The following CDYL2 variants were observed in gnomAD, a reference collection of about 807,000 sequenced individuals.
CDYL2 encodes the protein chromodomain Y-like protein 2.
Under a neutral mutation model 49.4 loss-of-function variants are expected in CDYL2, and 23 were observed. That is an observed-to-expected ratio of 0.47 (90% CI 0.34 to 0.66). The LOEUF is 0.66. Ranked by LOEUF, CDYL2 falls within the 30% of genes least tolerant of loss-of-function variation. CDYL2 has a pLI of 0.01. For missense variants in CDYL2, 678 were observed against 656.4 expected (o/e 1.03, Z -0.36); for synonymous variants, 360 against 268.8 (o/e 1.34, Z -3.32).
intron 2 of CDYL2, among the ~76,000 whole-genome samples, chr16:80,679,568 C>A (rs963468708): frequency 2.0e-5 from 3 of 152,240 alleles, no homozygotes; most frequent in Non-Finnish European, 4.4e-5. Flanking sequence ...CCATGAGGAT[C>A]ACACAAGGTA....
At chr16:80,721,103 C>T (rs1904983652) in intron 1 of CDYL2, among the ~76,000 whole-genome samples, 1 of 152,148 alleles carries the variant, frequency 6.6e-6, no homozygotes, top group South Asian at 2.1e-4. Context: ...CTTCTCAGTG[C>T]CCCCACTTCT....
intron 2 of CDYL2, among the ~76,000 whole-genome samples, chr16:80,669,805 G>A (rs1244080115): frequency 6.6e-6 from 1 of 152,216 alleles, no homozygotes; most frequent in African/African-American, 2.4e-5. Context: ...AAAATGAGCT[G>A]AGTATTTCTG....
upstream of CDYL2, among the ~76,000 whole-genome samples, chr16:80,804,606 TCCCCGCCCCCCGGGAGCCCG>T (rs1458334456): frequency 2.8e-5 from 4 of 141,670 alleles, no homozygotes; most frequent in Admixed American, 6.9e-5. Context: ...ACTGGGCGAG[TCCCCGCCCCCCGGGAGCCCG>T]GCCCGGCCCC....
At chr16:80,629,831 G>A (rs1907473422) in intron 3 of CDYL2, among the ~76,000 whole-genome samples, 1 of 152,234 alleles carries the variant, frequency 6.6e-6, no homozygotes, top group Non-Finnish European at 1.5e-5. Flanking sequence ...GGCAATGTCT[G>A]CTGGTGGACA....
intron 1 of CDYL2, among the ~76,000 whole-genome samples, chr16:80,775,807 T>C (rs151071029): frequency 6.6e-6 from 1 of 151,702 alleles, no homozygotes; most frequent in African/African-American, 2.4e-5. Context: ...TTACTTGATA[T>C]AGTACTTAAT....
chr16:80,754,212 A>G (rs1235086317), intron 1 of CDYL2, among the ~76,000 whole-genome samples: 1 of 152,200 alleles, frequency 6.6e-6, no homozygotes, highest in African/African-American at 2.4e-5. Flanking sequence ...AAACTAATCA[A>G]TCCTTGCCAA....
In CDYL2 at chr16:80,804,196, G is replaced by A. The variant is rs1908025417; in HGVS notation, c.-23C>T. 6 of 1,332,142 alleles carry A rather than the reference G, an allele frequency of 4.5e-6. No individual in the cohort carries two copies. Among genetic ancestry groups the A allele is most frequent in the Non-Finnish European group, 4.9e-6 (5 of 1,013,310 alleles). 82.5% of individuals were successfully genotyped at this position (1,332,142 alleles called of 1,614,324 possible). On this transcript the variant is annotated 5_prime_UTR_variant, in exon 1 of 7. Transcript: ENST00000570137. ...CATGCCAGGCTGCGGAACTTGGCTCGCCGGTGTGCGCGTCTGCTCGCTCGC... is the reference window on the plus strand; with the variant it reads ...CATGCCAGGCTGCGGAACTTGGCTCACCGGTGTGCGCGTCTGCTCGCTCGC...
At chr16:80,749,829 A>G (rs1020648510) in intron 1 of CDYL2, among the ~76,000 whole-genome samples, 4 of 152,196 alleles carry the variant, frequency 2.6e-5, no homozygotes, top group African/African-American at 9.7e-5. Context: ...AAGACTTGGA[A>G]CCAACCCAAA....
chr16:80,771,997 G>C (rs1390267843), intron 1 of CDYL2, among the ~76,000 whole-genome samples: 1 of 152,100 alleles, frequency 6.6e-6, no homozygotes, highest in Non-Finnish European at 1.5e-5. Context: ...GGAAATGGCT[G>C]AGCATTCCCC....
chr16:80,681,498 C>T (rs560540722), intron 2 of CDYL2, among the ~76,000 whole-genome samples: 27 of 152,312 alleles, frequency 1.8e-4, no homozygotes, highest in South Asian at 1.0e-3. Flanking sequence ...TCTGGAACCA[C>T]GGCATCCCCT....
At position 80,794,305 on chromosome 16, in the gene CDYL2, G is replaced by C. The variant is rs139241234; in HGVS notation, c.24+9845C>G. ...TCAACCTCAAGTGGTATTTGACTGG[G>C]GTGACTGTGCTGTAAAAGTGTATTC... is the stretch of plus-strand genomic sequence containing the variant. On this transcript the variant is annotated intron_variant, in intron 1 of 6. Coordinates refer to ENST00000570137, the MANE Select transcript of CDYL2 (RefSeq NM_152342.4). 1.7e-3 allele frequency among the ~76,000 whole-genome samples: 254 copies of C among 152,280 alleles called. 1 individual carries two copies. The highest frequency in any genetic ancestry group is 5.9e-3 in the African/African-American group (245 of 41,558).
intron 5 of CDYL2, among the ~76,000 whole-genome samples, chr16:80,608,627 T>C (rs150333145): frequency 3.9e-4 from 60 of 152,182 alleles, no homozygotes; most frequent in African/African-American, 1.4e-3. Flanking sequence ...AAAGAGATGC[T>C]CCCTTCTAGA....
intron 1 of CDYL2, among the ~76,000 whole-genome samples, chr16:80,686,902 G>C (rs966041611): frequency 6.6e-6 from 1 of 152,166 alleles, no homozygotes; most frequent in African/African-American, 2.4e-5. Flanking sequence ...CTGGGAACAG[G>C]TCTTTTAGAT....
chr16:80,615,373 G>A (rs555329352), intron 4 of CDYL2, among the ~76,000 whole-genome samples: 1 of 152,142 alleles, frequency 6.6e-6, no homozygotes, highest in Non-Finnish European at 1.5e-5. Flanking sequence ...CCATTCCTGA[G>A]TGACCTCATA....
At chr16:80,765,158 C>A (rs772103473) in intron 1 of CDYL2, among the ~76,000 whole-genome samples, 1 of 130,196 alleles carries the variant, frequency 7.7e-6, no homozygotes, top group African/African-American at 2.9e-5. Flanking sequence ...ATATGTTATA[C>A]AATATATATA....
Position 80,636,071 on chromosome 16 carries a change from G to C in CDYL2, c.617-2835C>G, listed in dbSNP as rs554623704. Among the ~76,000 whole-genome samples, 9 of 152,214 alleles carry C rather than the reference G, an allele frequency of 5.9e-5. No homozygotes were observed. The South Asian group carries it at 1.7e-3, about 28-fold the overall frequency. On this transcript the variant is annotated intron_variant, in intron 2 of 6. Transcript: ENST00000570137. The stretch of plus-strand genomic sequence containing the variant: ...CTTATAGAAAAATTAACTCAAGATG[G>C]ATTAGACTTAAAAGTAACACCTAAA...
chr16:80,718,018 C>A lies in CDYL2; in HGVS notation c.25-32889G>T, dbSNP rs142777986. ...GTCTCACGCTGGGTGCTTTCTCAAG[C>A]AGTTACCAATCATCCTGACAAACCC... On this transcript the variant is annotated intron_variant, in intron 1 of 6. Coordinates refer to ENST00000570137, the MANE Select transcript of CDYL2 (RefSeq NM_152342.4). Among the ~76,000 whole-genome samples, 308 of 152,280 alleles carry A rather than the reference C, an allele frequency of 2.0e-3. 4 individuals carry two copies. Among genetic ancestry groups the A allele is most frequent in the East Asian group, 0.017 (86 of 5,168 alleles).
chr16:80,745,591 T>C, intron 1 of CDYL2, among the ~76,000 whole-genome samples: 1 of 152,210 alleles, frequency 6.6e-6, no homozygotes, highest in East Asian at 1.9e-4. Flanking sequence ...GGCTGTGTAC[T>C]GTAGGAACAC....
At chr16:80,778,693 C>T (rs543358418) in intron 1 of CDYL2, among the ~76,000 whole-genome samples, 1 of 152,044 alleles carries the variant, frequency 6.6e-6, no homozygotes, top group South Asian at 2.1e-4. Flanking sequence ...AGTACCTCAT[C>T]TGAAAACTTT....
Sources: gnomAD v4.1 joint callset for allele counts (sites outside exome capture counted in the v4.1 genomes callset) on GRCh38, gnomAD v4.1.1 for gene constraint, MANE v1.5 for transcripts, NCBI Gene and HGNC (gene_info 2026-07-23, HGNC 2026-07-21) for gene names.